The following SAMD12 variants were observed in gnomAD, a reference collection of about 807,000 sequenced individuals.
SAMD12 encodes sterile alpha motif domain containing 12.
In SAMD12, 9 loss-of-function variants were observed where a neutral mutation model predicts 15.0. That is an observed-to-expected ratio of 0.60 (90% CI 0.36 to 1.05). SAMD12 has a LOEUF of 1.05. Among genes scored for constraint, SAMD12 ranks in the 50% least tolerant of loss-of-function variants. The pLI is 0.01. For missense variants in SAMD12, 230 were observed against 234.2 expected (o/e 0.98, Z 0.12); for synonymous variants, 86 against 90.1 (o/e 0.96, Z 0.25).
intron 2 of SAMD12, among the ~76,000 whole-genome samples, chr8:118,543,274 C>T (rs1016312346): frequency 2.0e-5 from 3 of 152,138 alleles, no homozygotes; most frequent in South Asian, 2.1e-4. Flanking sequence ...CCCACACTCA[C>T]GATGCCAATT....
At chr8:118,227,289 C>T (rs1812208643) in intron 4 of SAMD12, among the ~76,000 whole-genome samples, 1 of 152,108 alleles carries the variant, frequency 6.6e-6, no homozygotes, top group Admixed American at 6.6e-5. Flanking sequence ...ATCACATCTT[C>T]TCACTTATAA....
downstream of SAMD12, among the ~76,000 whole-genome samples, chr8:118,185,265 G>A (rs571363230): frequency 2.0e-5 from 3 of 151,840 alleles, no homozygotes; most frequent in South Asian, 6.3e-4. Flanking sequence ...AAGATTTTGG[G>A]GTTCAGGTGG....
chr8:118,528,003 C>A (rs182871718), intron 2 of SAMD12, among the ~76,000 whole-genome samples: 3 of 150,324 alleles, frequency 2.0e-5, no homozygotes, highest in Admixed American at 1.3e-4. Context: ...TTTTGGCCTA[C>A]AGTTTTTGTT....
rs563873097 is a variant in SAMD12 at position 118,201,009 on chromosome 8, T to C, written c.434-3277A>G. ...TACACACACCTGGACCCTTGAACCT[T>C]AATCTTTCTATCAATCACATCTGTA... On this transcript the variant is annotated intron_variant, in intron 4 of 4. Coordinates refer to the SAMD12 transcript ENST00000409003. Among the ~76,000 whole-genome samples the C allele has an allele frequency of 5.3e-5, 8 of 152,320 alleles. No homozygotes were observed. In the East Asian group the frequency reaches 1.5e-3, roughly 29 times the overall value.
At chr8:118,573,208 C>A (rs1827066550) in intron 2 of SAMD12, among the ~76,000 whole-genome samples, 1 of 152,144 alleles carries the variant, frequency 6.6e-6, no homozygotes, top group Non-Finnish European at 1.5e-5. Context: ...CCTCAGCTTC[C>A]TGAGTAGCTG....
the SAMD12 span, among the ~76,000 whole-genome samples, chr8:118,181,507 A>T: frequency 6.6e-6 from 1 of 152,208 alleles, no homozygotes; most frequent in Non-Finnish European, 1.5e-5. Flanking sequence ...GATTGGGCCA[A>T]GGTGTAGCAT....
At chr8:118,589,439 T>G (rs1827525910) in intron 1 of SAMD12, among the ~76,000 whole-genome samples, 1 of 152,232 alleles carries the variant, frequency 6.6e-6, no homozygotes, top group African/African-American at 2.4e-5. Context: ...AAAGACTACT[T>G]AAGTTTAATC....
chr8:118,601,812 T>G (rs1438695395), intron 1 of SAMD12, among the ~76,000 whole-genome samples: 1 of 151,974 alleles, frequency 6.6e-6, no homozygotes, highest in Non-Finnish European at 1.5e-5. Context: ...GAAGAACTGA[T>G]GGGTAGAAGC....
intron 2 of SAMD12, among the ~76,000 whole-genome samples, chr8:118,513,877 A>G (rs1330678026): frequency 1.3e-5 from 2 of 152,228 alleles, no homozygotes; most frequent in African/African-American, 4.8e-5. Context: ...ATTGCTAACC[A>G]AAAAGGAATA....
At chr8:118,197,448 G>A in exon 5 of SAMD12, 2 of 559,832 alleles carry the variant, frequency 3.6e-6, no homozygotes, top group Non-Finnish European at 6.4e-6. Flanking sequence ...AAAACTGGAA[G>A]CAATTTTCCA....
chr8:118,581,054 G>A (rs1359576314), intron 1 of SAMD12, among the ~76,000 whole-genome samples, 161 bp from the exon 2 acceptor site: 8 of 152,224 alleles, frequency 5.3e-5, no homozygotes, highest in East Asian at 3.9e-4. Context: ...GAGGGAGCAC[G>A]GTATAGTGGG....
chr8:118,475,820 T>G (rs886598230), intron 2 of SAMD12, among the ~76,000 whole-genome samples: 1 of 152,196 alleles, frequency 6.6e-6, no homozygotes, highest in African/African-American at 2.4e-5. Flanking sequence ...ATGTAATTTT[T>G]TCCTTCTTTG....
the SAMD12 span, among the ~76,000 whole-genome samples, chr8:118,144,301 CT>C: frequency 6.6e-6 from 1 of 152,118 alleles, no homozygotes; most frequent in Non-Finnish European, 1.5e-5. Context: ...CATGAATATT[CT>C]TTGGGGGCAT....
Position 118,621,958 on chromosome 8 carries a change from C to A in SAMD12, c.-142G>T, listed in dbSNP as rs760214488. ...ACCAACCTGCCGCGGTCACGCAAAGCGAGGCAGCCGGCTCCCGGCTCGGCG... is the reference window on the plus strand; with the variant it reads ...ACCAACCTGCCGCGGTCACGCAAAGAGAGGCAGCCGGCTCCCGGCTCGGCG... On this transcript the variant is annotated 5_prime_UTR_variant, in exon 1 of 4. Transcript: ENST00000314727. 10 of 1,031,016 alleles carry A rather than the reference C, an allele frequency of 9.7e-6. No individual in the cohort carries two copies. Among genetic ancestry groups the A allele is most frequent in the Admixed American group, 5.5e-5 (3 of 54,936 alleles). The allele number at this position is 1,031,016 out of a possible 1,614,324, so 63.9% of individuals were successfully genotyped here.
intron 4 of SAMD12, among the ~76,000 whole-genome samples, chr8:118,265,810 G>A (rs1047110194): frequency 6.6e-6 from 1 of 151,410 alleles, no homozygotes. Context: ...CTGAAGGGAA[G>A]GTTTACAGGT....
At chr8:118,460,978 C>T (rs1823402543) in intron 2 of SAMD12, among the ~76,000 whole-genome samples, 1 of 152,214 alleles carries the variant, frequency 6.6e-6, no homozygotes, top group Non-Finnish European at 1.5e-5. Context: ...CCCTTTTCTG[C>T]CTTTGCACAT....
At chr8:118,328,544 C>T (rs915222076) in intron 4 of SAMD12, among the ~76,000 whole-genome samples, 17 of 152,104 alleles carry the variant, frequency 1.1e-4, no homozygotes, top group African/African-American at 3.4e-4. Context: ...TTAAGTGTGA[C>T]GATATCCTGG....
intron 4 of SAMD12, among the ~76,000 whole-genome samples, chr8:118,341,359 A>C (rs1458744526): frequency 6.6e-6 from 1 of 152,204 alleles, no homozygotes; most frequent in East Asian, 1.9e-4. Flanking sequence ...AGAGGAGCAT[A>C]CCTAGACCCC....
At chr8:118,352,946 A>G (rs1039161807) in intron 4 of SAMD12, among the ~76,000 whole-genome samples, 4 of 152,194 alleles carry the variant, frequency 2.6e-5, no homozygotes, top group African/African-American at 9.7e-5. Flanking sequence ...ACATTGTTCC[A>G]GATCATAAAA....
Sources: allele counts gnomAD v4.1 joint callset (sites outside exome capture counted in the v4.1 genomes callset), GRCh38; gene constraint gnomAD v4.1.1; transcripts MANE v1.5; gene names NCBI Gene and HGNC (gene_info 2026-07-23, HGNC 2026-07-21).